The following DPYD variants were observed in gnomAD, a reference collection of about 807,000 sequenced individuals.
The protein encoded by DPYD is dihydropyrimidine dehydrogenase [NADP(+)].
In DPYD, 109 loss-of-function variants were observed where a neutral mutation model predicts 116.2. That is an observed-to-expected ratio of 0.94 (90% CI 0.80 to 1.10). The LOEUF is 1.10. DPYD is among the 50% of genes least tolerant of loss of function. The probability of loss-of-function intolerance (pLI) is 0.00; values close to 1 mark genes in which losing one functional copy is unlikely to be tolerated. For missense variants in DPYD, 1,302 were observed against 1,254.5 expected (o/e 1.04, Z -0.57); for synonymous variants, 440 against 432.0 (o/e 1.02, Z -0.23).
chr1:97,434,260 G>A (rs1266647308), intron 14 of DPYD, among the ~76,000 whole-genome samples: 1 of 152,054 alleles, frequency 6.6e-6, no homozygotes, highest in Non-Finnish European at 1.5e-5. Context: ...CCCCAAAGAA[G>A]ATGTATTAAT....
At chr1:97,875,115 C>G (rs778170736) in intron 2 of DPYD, among the ~76,000 whole-genome samples, 7 of 151,830 alleles carry the variant, frequency 4.6e-5, no homozygotes, top group Non-Finnish European at 1.0e-4. Context: ...TTCTTTTATT[C>G]TATGTTAGTT....
intron 16 of DPYD, among the ~76,000 whole-genome samples, chr1:97,353,322 G>A (rs1391339056): frequency 6.6e-6 from 1 of 152,156 alleles, no homozygotes; most frequent in Non-Finnish European, 1.5e-5. Context: ...GGGCAGGGCT[G>A]CGGAATGGCA....
intron 8 of DPYD, among the ~76,000 whole-genome samples, chr1:97,619,041 T>C (rs901531539): frequency 2.0e-5 from 3 of 152,204 alleles, no homozygotes; most frequent in African/African-American, 7.2e-5. Flanking sequence ...GATGTGGATA[T>C]CCACCAGACT....
intron 7 of DPYD, among the ~76,000 whole-genome samples, chr1:97,683,933 A>G (rs1029114358): frequency 6.6e-6 from 1 of 152,210 alleles, no homozygotes; most frequent in African/African-American, 2.4e-5. Flanking sequence ...GATGCTGACA[A>G]AGATTTTTCT....
chr1:97,824,915 G>A (rs910709693), intron 3 of DPYD, among the ~76,000 whole-genome samples: 4 of 151,920 alleles, frequency 2.6e-5, no homozygotes, highest in Non-Finnish European at 5.9e-5. Flanking sequence ...TCTCAAATGC[G>A]CACATCAACT....
intron 20 of DPYD, among the ~76,000 whole-genome samples, chr1:97,140,267 T>C (rs768559052): frequency 5.3e-5 from 8 of 152,018 alleles, no homozygotes; most frequent in Non-Finnish European, 1.0e-4. Context: ...GTAGAGGTGT[T>C]TGCTTATGAT....
At chr1:97,515,535 A>T (rs1315004792) in intron 13 of DPYD, among the ~76,000 whole-genome samples, 191 bp downstream of exon 13, 2 of 151,964 alleles carry the variant, frequency 1.3e-5, no homozygotes, top group African/African-American at 4.8e-5. Flanking sequence ...CTAAATGAGC[A>T]ATATATGCCT....
Position 97,193,163 on chromosome 1 carries a change from A to T in DPYD, c.2528T>A (p.Ile843Asn). 1 of 1,614,014 alleles carries T rather than the reference A, an allele frequency of 6.2e-7. No homozygotes were observed. ...GLKALLYLKS[I>N]EELQDWDGQS... ...TCCATCCCAGTCTTGTAGTTCTTCAATGCTTTTCAGATAAAGCAGGGCTTT... is the reference window on the plus strand; with the variant it reads ...TCCATCCCAGTCTTGTAGTTCTTCATTGCTTTTCAGATAAAGCAGGGCTTT... The change falls in exon 20 of 23, where the codon ATT becomes AAT. Residue 843 changes from isoleucine (I) to asparagine (N), a missense_variant. Coordinates refer to ENST00000370192, the MANE Select transcript of DPYD (RefSeq NM_000110.4).
chr1:97,914,972 A>ATT (rs1381867784), intron 1 of DPYD, among the ~76,000 whole-genome samples: 1 of 152,176 alleles, frequency 6.6e-6, no homozygotes, highest in African/African-American at 2.4e-5. Context: ...GCAAAAACAA[A>ATT]TTCTTGCCAA....
At chr1:97,733,645 A>C (rs1054753811) in intron 4 of DPYD, among the ~76,000 whole-genome samples, 1 of 152,074 alleles carries the variant, frequency 6.6e-6, no homozygotes, top group South Asian at 2.1e-4. Flanking sequence ...AAACAATGCT[A>C]TAATTGCTTT....
At chr1:97,096,444 AATTG>A (rs1406529868) in intron 21 of DPYD, among the ~76,000 whole-genome samples, 1 of 152,138 alleles carries the variant, frequency 6.6e-6, no homozygotes, top group Admixed American at 6.6e-5. Context: ...ATTTAATTCA[AATTG>A]ATTAAGAAGA....
intron 14 of DPYD, among the ~76,000 whole-genome samples, chr1:97,438,989 A>G (rs963870080): frequency 6.6e-6 from 1 of 152,132 alleles, no homozygotes; most frequent in Non-Finnish European, 1.5e-5. Flanking sequence ...TTCACTATTT[A>G]GTATGATATT....
At chr1:97,673,150 T>A (rs1659961800) in intron 8 of DPYD, among the ~76,000 whole-genome samples, 1 of 152,130 alleles carries the variant, frequency 6.6e-6, no homozygotes, top group African/African-American at 2.4e-5. Context: ...ATGCTTTAGT[T>A]GCCATTTACT....
chr1:97,411,036 T>C (rs1267649720), intron 14 of DPYD, among the ~76,000 whole-genome samples: 1 of 152,054 alleles, frequency 6.6e-6, no homozygotes, highest in Non-Finnish European at 1.5e-5. Context: ...GAATGGACGG[T>C]GGGGTCAAAA....
At chr1:97,851,327 C>T (rs973618497) in intron 2 of DPYD, among the ~76,000 whole-genome samples, 23 of 150,494 alleles carry the variant, frequency 1.5e-4, no homozygotes, top group African/African-American at 5.1e-4. Context: ...GAAAGTATTG[C>T]TTATGATGAG....
intron 20 of DPYD, among the ~76,000 whole-genome samples, chr1:97,182,604 G>C (rs1185373004): frequency 6.6e-6 from 1 of 152,082 alleles, no homozygotes; most frequent in African/African-American, 2.4e-5. Flanking sequence ...GGCAGTCCCA[G>C]GGAGAATAAC....
intron 8 of DPYD, among the ~76,000 whole-genome samples, chr1:97,617,787 C>T (rs1366961668): frequency 6.6e-6 from 1 of 152,162 alleles, no homozygotes; most frequent in Non-Finnish European, 1.5e-5. Flanking sequence ...GAAACTCAGA[C>T]TCCACCCCTC....
At chr1:97,600,458 T>G (rs1413934644) in intron 8 of DPYD, among the ~76,000 whole-genome samples, 4 of 152,204 alleles carry the variant, frequency 2.6e-5, no homozygotes, top group African/African-American at 9.6e-5. Flanking sequence ...TTATTTTTGT[T>G]TATTAAATCT....
intron 8 of DPYD, among the ~76,000 whole-genome samples, chr1:97,663,454 T>C (rs1286523195): frequency 6.6e-6 from 1 of 152,194 alleles, no homozygotes; most frequent in Non-Finnish European, 1.5e-5. Context: ...GACTCATTCA[T>C]TGTATTTCCT....
Sources: gnomAD v4.1 joint callset for allele counts (sites outside exome capture counted in the v4.1 genomes callset) on GRCh38, gnomAD v4.1.1 for gene constraint, MANE v1.5 for transcripts, NCBI Gene and HGNC (gene_info 2026-07-23, HGNC 2026-07-21) for gene names.